The following KIF13A variants were observed in gnomAD, a reference collection of about 807,000 sequenced individuals.
The protein encoded by KIF13A is kinesin-like protein KIF13A.
KIF13A carries 79 observed loss-of-function variants against 212.2 expected under a neutral mutation model. That is an observed-to-expected ratio of 0.37 (90% CI 0.31 to 0.45). KIF13A has a LOEUF of 0.45. Ranked by LOEUF, KIF13A falls within the 20% of genes least tolerant of loss-of-function variation. The probability of loss-of-function intolerance (pLI) is 1.00; values close to 1 mark genes in which losing one functional copy is unlikely to be tolerated. For missense variants in KIF13A, 1,901 were observed against 2,209.0 expected, an observed-to-expected ratio of 0.86 and a Z score of 2.79; for synonymous variants, 789 against 808.6, an observed-to-expected ratio of 0.98 and a Z score of 0.41.
At position 17,956,142 on chromosome 6, in the gene KIF13A, C is replaced by T. The variant is rs1253722624; in HGVS notation, c.146+30912G>A. 3.3e-5 allele frequency among the ~76,000 whole-genome samples: 5 copies of T among 152,098 alleles called. No individual in the cohort carries two copies. In the East Asian group the frequency reaches 5.8e-4, roughly 18 times the overall value. On this transcript the variant is annotated intron_variant, in intron 2 of 38. Coordinates refer to ENST00000259711, the MANE Select transcript of KIF13A (RefSeq NM_022113.6). Reference sequence around the variant, plus strand: ...GTGGTAGCTCATTTAACCTTACATCCGTAAGATGCAGGTATTATCATCCTC... The same window carrying T: ...GTGGTAGCTCATTTAACCTTACATCTGTAAGATGCAGGTATTATCATCCTC...
intron 20 of KIF13A, among the ~76,000 whole-genome samples, chr6:17,804,149 C>G (rs1400758206): frequency 3.4e-5 from 2 of 58,008 alleles, no homozygotes; most frequent in Non-Finnish European, 7.1e-5. Flanking sequence ...GAGACTCCGT[C>G]TCAAACAAAC....
chr6:17,804,811 TAAAAAAAA>T (rs56785510), intron 19 of KIF13A, among the ~76,000 whole-genome samples: 97 of 23,298 alleles, frequency 4.2e-3, no homozygotes, highest in South Asian at 0.033. Context: ...CTGTCTCCAT[TAAAAAAAA>T]AAAAAAAAAA....
At position 17,777,935 on chromosome 6, in the gene KIF13A, C is replaced by T. The variant is rs138951884; in HGVS notation, c.4093-581G>A. ...GGCAGGTGGATCACAGACAGGAGTT[C>T]GAGACCAGCTGGCCAACATGGTAAA... is the stretch of plus-strand genomic sequence containing the variant. On this transcript the variant is annotated intron_variant, in intron 33 of 38. Transcript: ENST00000259711. This position sits in a 1 kb window ranked among gnomAD's most constrained non-coding sequence, Gnocchi z 4.4. 5.9e-5 allele frequency among the ~76,000 whole-genome samples: 9 copies of T among 151,906 alleles called. No homozygotes were observed. Among genetic ancestry groups the T allele is most frequent in the Middle Eastern group, 3.4e-3 (1 of 290 alleles).
At chr6:17,848,480 C>A (rs1767289272) in intron 9 of KIF13A, among the ~76,000 whole-genome samples, 1 of 150,066 alleles carries the variant, frequency 6.7e-6, no homozygotes, top group Non-Finnish European at 1.5e-5. Flanking sequence ...TTAGCTTCCA[C>A]ATATGTCAGA....
intron 2 of KIF13A, among the ~76,000 whole-genome samples, chr6:17,942,335 A>AAT (rs10599616): frequency 0.026 from 3,789 of 145,520 alleles, 53 homozygotes; most frequent in Middle Eastern, 0.042. Context: ...AACAACAACA[A>AAT]ATATATATAT....
intron 2 of KIF13A, among the ~76,000 whole-genome samples, chr6:17,925,152 A>T (rs1775387755): frequency 6.6e-6 from 1 of 152,242 alleles, no homozygotes. Context: ...AGGGACAGAC[A>T]AGTGCAGAAA....
At chr6:17,941,896 A>G (rs16880078) in intron 2 of KIF13A, among the ~76,000 whole-genome samples, 14,592 of 151,650 alleles carry the variant, frequency 0.096, 888 homozygotes, top group East Asian at 0.18. Context: ...TAACGTTATT[A>G]TTAGAGATAC....
chr6:17,912,417 C>A lies in KIF13A; in HGVS notation c.147-14237G>T, dbSNP rs1359372756. ...TGATCTTGATAACAGCATCAGCCTG[C>A]CTGACCTTCCGTAGGACGCAGGTTT... On this transcript the variant is annotated intron_variant, in intron 2 of 38. Transcript: ENST00000259711. The surrounding 1 kb of genome is among the most constrained non-coding windows in gnomAD (Gnocchi z 4.2). 6.6e-6 allele frequency among the ~76,000 whole-genome samples: 1 copy of A among 152,212 alleles called. No homozygotes were observed. The highest frequency in any genetic ancestry group is 1.5e-5 in the Non-Finnish European group (1 of 68,042).
chr6:17,817,851 C>T (rs1330726966), intron 16 of KIF13A, among the ~76,000 whole-genome samples: 8 of 152,214 alleles, frequency 5.3e-5, no homozygotes, highest in Admixed American at 5.2e-4. Flanking sequence ...AAACCTGTTT[C>T]TAACATCTCA....
intron 2 of KIF13A, among the ~76,000 whole-genome samples, chr6:17,931,392 T>A (rs1045305762): frequency 1.3e-5 from 2 of 152,202 alleles, no homozygotes; most frequent in African/African-American, 4.8e-5. Context: ...CAATTCTAAC[T>A]AATGGGGCTA....
At chr6:17,903,116 T>C (rs1319626680) in intron 2 of KIF13A, among the ~76,000 whole-genome samples, 2 of 152,312 alleles carry the variant, frequency 1.3e-5, no homozygotes, top group South Asian at 2.1e-4. Context: ...AGCATAGAAA[T>C]TGAACGGGAT....
intron 2 of KIF13A, among the ~76,000 whole-genome samples, chr6:17,946,380 C>G (rs1270154584): frequency 6.6e-6 from 1 of 150,382 alleles, no homozygotes; most frequent in African/African-American, 2.5e-5. Flanking sequence ...AAAGATTTTG[C>G]ATATAACAAA....
intron 4 of KIF13A, among the ~76,000 whole-genome samples, chr6:17,866,742 G>A (rs1425020230): frequency 6.7e-6 from 1 of 150,248 alleles, no homozygotes; most frequent in African/African-American, 2.5e-5. Context: ...AGGAACAAAT[G>A]TGGACAAAGA....
In KIF13A at chr6:17,777,573, G is replaced by A. The variant is rs1382897566; in HGVS notation, c.4093-219C>T. On this transcript the variant is annotated intron_variant, in intron 33 of 38. Coordinates refer to ENST00000259711, the MANE Select transcript of KIF13A (RefSeq NM_022113.6). The surrounding 1 kb of genome is among the most constrained non-coding windows in gnomAD (Gnocchi z 4.4). The stretch of plus-strand genomic sequence containing the variant: ...TTTTTTTTTGTATTTTAGTAGAGAC[G>A]GGGTTTCACCATGTTGCCCAGGTTG... 4.0e-5 allele frequency among the ~76,000 whole-genome samples: 6 copies of A among 151,798 alleles called. No individual in the cohort carries two copies. Among genetic ancestry groups the A allele is most frequent in the East Asian group, 1.9e-4 (1 of 5,154 alleles).
Position 17,813,528 on chromosome 6 carries a change from C to T in KIF13A, c.2000+3492G>A, listed in dbSNP as rs75964304. 9.3e-3 allele frequency among the ~76,000 whole-genome samples: 1,416 copies of T among 152,268 alleles called. 71 individuals are homozygous for T. In the East Asian group the frequency reaches 0.15, roughly 17 times the overall value. ...AGTAATATAAGTATGATAAATCTTC[C>T]TATTTCAGTATCCAGACAGATGAGC... On this transcript the variant is annotated intron_variant, in intron 17 of 38. Transcript: ENST00000259711.
chr6:17,890,851 G>C lies in KIF13A; in HGVS notation c.159+7317C>G, dbSNP rs529151208. 2.7e-5 allele frequency among the ~76,000 whole-genome samples: 4 copies of C among 150,262 alleles called. No individual in the cohort carries two copies. The East Asian group carries it at 7.8e-4, about 29-fold the overall frequency. ...TTACTATTGTTATTGTTAAAGACAA[G>C]GTCTCCTTATGTTGCCCAGGCTGGT... is the stretch of plus-strand genomic sequence containing the variant. On this transcript the variant is annotated intron_variant, in intron 3 of 38. Coordinates refer to ENST00000259711, the MANE Select transcript of KIF13A (RefSeq NM_022113.6).
chr6:17,864,518 C>T (rs1180494244), intron 4 of KIF13A, among the ~76,000 whole-genome samples: 6 of 152,158 alleles, frequency 3.9e-5, no homozygotes, highest in Admixed American at 3.9e-4. Context: ...GAGATAGGGT[C>T]TTGCTCTTCC....
intron 6 of KIF13A, among the ~76,000 whole-genome samples, chr6:17,852,446 G>A (rs1767743138): frequency 6.6e-6 from 1 of 152,088 alleles, no homozygotes; most frequent in Non-Finnish European, 1.5e-5. Context: ...TTGAGACAGG[G>A]TCTCACTCTG....
rs10666115 is a variant in KIF13A at position 17,792,196 on chromosome 6, CAAA to C, written c.3222+2050_3222+2052del. ...CCAGCCTAGGGGACAGAGTGAGACT[CAAA>C]AAAAAAAAAAAAAAAAAAGCAGCAA... On this transcript the variant is annotated intron_variant, in intron 25 of 38. Transcript: ENST00000259711. 5.5e-4 allele frequency among the ~76,000 whole-genome samples: 41 copies of C among 75,110 alleles called. No homozygotes were observed. In the East Asian group the frequency reaches 0.014, roughly 26 times the overall value. The allele number at this position is 75,110 out of a possible 152,430, so 49.3% of individuals were successfully genotyped here.
Sources: gnomAD v4.1 joint callset for allele counts (sites outside exome capture counted in the v4.1 genomes callset) on GRCh38, gnomAD v4.1.1 for gene constraint, Gnocchi (gnomAD v3.1) non-coding constraint, MANE v1.5 for transcripts, NCBI Gene and HGNC (gene_info 2026-07-23, HGNC 2026-07-21) for gene names.